The following DYDC1 variants were observed in gnomAD, a reference collection of about 807,000 sequenced individuals.
The protein encoded by DYDC1 is DPY30 domain-containing protein 1.
A neutral mutation model predicts 27.9 loss-of-function variants in DYDC1; 21 were observed. The ratio of observed to expected loss-of-function variants is 0.75; its 90% confidence interval spans 0.53 to 1.08. DYDC1 has a LOEUF of 1.08. Ranked by LOEUF, DYDC1 falls within the 50% of genes least tolerant of loss-of-function variation. The probability of loss-of-function intolerance (pLI) is 0.00; values close to 1 mark genes in which losing one functional copy is unlikely to be tolerated. For missense variants in DYDC1, 202 were observed against 205.9 expected (o/e 0.98, Z 0.12); for synonymous variants, 67 against 65.8 (o/e 1.02, Z -0.09).
At chr10:80,336,464 C>T (rs1407760769) in intron 6 of DYDC1, 6 of 554,920 alleles carry the variant, frequency 1.1e-5, no homozygotes, top group African/African-American at 4.1e-5. Flanking sequence ...GTTAGAATTG[C>T]TAATGGTTCC....
chr10:80,339,011 T>C, intron 5 of DYDC1, 86 bp downstream of exon 5: 1 of 682,916 alleles, frequency 1.5e-6, no homozygotes, highest in South Asian at 2.3e-5. Context: ...TGCTAAAAAT[T>C]TAGCTACTTA....
chr10:80,346,123 C>T (rs1842608767), intron 3 of DYDC1, among the ~76,000 whole-genome samples: 1 of 152,172 alleles, frequency 6.6e-6, no homozygotes, highest in African/African-American at 2.4e-5. Flanking sequence ...ACTGGGATTA[C>T]AGGTGTGAGC....
chr10:80,346,444 C>CTT (rs1032729095), intron 3 of DYDC1, among the ~76,000 whole-genome samples: 1,598 of 83,226 alleles, frequency 0.019, 242 homozygotes, highest in South Asian at 0.07. Context: ...TCTTCCCTTT[C>CTT]TTTTTTTTTT....
intron 3 of DYDC1, among the ~76,000 whole-genome samples, chr10:80,346,252 T>C (rs1183280955): frequency 6.6e-6 from 1 of 152,186 alleles, no homozygotes; most frequent in African/African-American, 2.4e-5. Flanking sequence ...AAGTAGTCTC[T>C]ATAAGGTGCT....
At chr10:80,356,445 C>G in intron 1 of DYDC1, 2 of 985,326 alleles carry the variant, frequency 2.0e-6, no homozygotes, top group Non-Finnish European at 2.4e-6. Flanking sequence ...CTGGCAACCT[C>G]CCGGGGCGCT....
intron 4 of DYDC1, among the ~76,000 whole-genome samples, chr10:80,340,612 C>T (rs1377255756): frequency 2.0e-5 from 3 of 152,144 alleles, no homozygotes; most frequent in Non-Finnish European, 4.4e-5. Context: ...CTTTAAATTC[C>T]TTTATTTTGA....
intron 5 of DYDC1, 52 bp from the exon 6 acceptor site, chr10:80,338,623 T>C: frequency 1.4e-6 from 2 of 1,443,560 alleles, no homozygotes; most frequent in South Asian, 3.1e-5. Flanking sequence ...AATTAATACA[T>C]TACTTTTCTT....
rs1251707554 is a variant in DYDC1, at chr10:80,352,133, T to A, written c.148-131A>T. On this transcript the variant is annotated intron_variant, in intron 2 of 6. Transcript: ENST00000372202. ...AAATTATAGCCCATCCCTGTGGAAA[T>A]GATATAATAATTTGGGAAGATATTT... 6.1e-6 allele frequency: 5 copies of A among 825,336 alleles called. No homozygotes were observed. The South Asian group carries it at 8.7e-5, about 14-fold the overall frequency. The allele number at this position is 825,336 out of a possible 1,614,324, so 51.1% of individuals were successfully genotyped here.
intron 3 of DYDC1, among the ~76,000 whole-genome samples, chr10:80,343,974 C>G: frequency 6.6e-6 from 1 of 151,956 alleles, no homozygotes; most frequent in East Asian, 1.9e-4. Flanking sequence ...AAAAAAATTA[C>G]GCGTGGTAGC....
At chr10:80,337,984 A>G in intron 6 of DYDC1, 1 of 706,624 alleles carries the variant, frequency 1.4e-6, no homozygotes, top group Non-Finnish European at 1.7e-6. Flanking sequence ...TCCCCTGACA[A>G]TAAACTCCAT....
chr10:80,353,251 T>A (rs1040522922), intron 1 of DYDC1, among the ~76,000 whole-genome samples: 21 of 151,986 alleles, frequency 1.4e-4, no homozygotes, highest in African/African-American at 4.1e-4. Flanking sequence ...AATTTTCTTT[T>A]CAAGTTCACC....
Position 80,336,467 on chromosome 10 carries a change from A to G in DYDC1, c.505-282T>C, listed in dbSNP as rs960886296. 13 of 548,802 alleles carry G rather than the reference A, an allele frequency of 2.4e-5. 1 individual carries two copies. The South Asian group carries it at 9.6e-4, about 40-fold the overall frequency. 34.0% of individuals were successfully genotyped at this position (548,802 alleles called of 1,614,324 possible). A position where few individuals can be genotyped will look rare whatever the true frequency, so the allele number is the denominator to read the frequency against. On this transcript the variant is annotated intron_variant, in intron 6 of 6. Coordinates refer to ENST00000372202, the MANE Select transcript of DYDC1 (RefSeq NM_001269053.2). ...CATCCCTTCAATGTTAGAATTGCTA[A>G]TGGTTCCTCCCTGAGCCCCCAGGCC... is the stretch of plus-strand genomic sequence containing the variant.
At chr10:80,355,965 CA>C (rs1008678127) in intron 1 of DYDC1, among the ~76,000 whole-genome samples, 19 of 140,902 alleles carry the variant, frequency 1.3e-4, no homozygotes, top group African/African-American at 4.0e-4. Context: ...ACAGACATCT[CA>C]AAGTCATTTG....
At chr10:80,349,113 G>A (rs941370049) in intron 3 of DYDC1, among the ~76,000 whole-genome samples, 2 of 152,056 alleles carry the variant, frequency 1.3e-5, no homozygotes. Context: ...GGATGGTCTC[G>A]ATCTCCTGAC....
chr10:80,351,928 G>A lies in DYDC1; in HGVS notation c.222C>T (p.Leu74=). The A allele has an allele frequency of 6.2e-7, 1 of 1,614,088 alleles. No homozygotes were observed. The highest frequency in any genetic ancestry group is 2.2e-5 in the East Asian group (1 of 44,878). ...ALMEQEMMER[L]KAEELLLQQQ... ...GCTGAAGTAAGAGCTCCTCTGCTTTGAGCCTCTCCATCATTTCCTGCTCCA... is the reference window on the plus strand; with the variant it reads ...GCTGAAGTAAGAGCTCCTCTGCTTTAAGCCTCTCCATCATTTCCTGCTCCA... Residue 74 remains leucine, a synonymous_variant, in exon 3 of 7, where the codon CTC becomes CTT. Transcript: ENST00000372202.
chr10:80,339,547 C>T (rs1007828744), intron 4 of DYDC1, among the ~76,000 whole-genome samples: 10 of 152,056 alleles, frequency 6.6e-5, no homozygotes, highest in Non-Finnish European at 1.0e-4. Flanking sequence ...AAGAAGTAAA[C>T]ACTTCTACAG....
At chr10:80,356,457 AGT>A (rs1390950857) in intron 1 of DYDC1, 27 of 985,182 alleles carry the variant, frequency 2.7e-5, no homozygotes, top group Non-Finnish European at 3.3e-5. Context: ...CGGGGCGCTC[AGT>A]GTGGTTTTCC....
At position 80,338,495 on chromosome 10, in the gene DYDC1, T is replaced by C. The variant is rs768624949; in HGVS notation, c.476A>G (p.Glu159Gly). ...AGAAAACATTGGTTCATCAAGTTCT[T>C]CCACTCTGCTCAAGTTAGGTGCTCC... ...RYGAPNLSRV[E>G]ELDEPMFSDI... The change falls in exon 6 of 7, where the codon GAA becomes GGA. Residue 159 changes from glutamate (E) to glycine (G), a missense_variant. Coordinates refer to ENST00000372202, the MANE Select transcript of DYDC1 (RefSeq NM_001269053.2). The C allele has an allele frequency of 2.5e-6, 4 of 1,613,246 alleles. No homozygotes were observed. The African/African-American group carries it at 4.0e-5, about 16-fold the overall frequency.
Position 80,352,623 on chromosome 10 carries a change from T to A in DYDC1, c.-9-13A>T. 6.3e-7 allele frequency: 1 copy of A among 1,592,566 alleles called. No homozygotes were observed. The highest frequency in any genetic ancestry group is 8.5e-7 in the Non-Finnish European group (1 of 1,173,450). Reference sequence around the variant, plus strand: ...CCATTTCTAACTCCTAAAAAGTAAGTGTTTTTGCATTACTGCAGGATATTT... The same window carrying A: ...CCATTTCTAACTCCTAAAAAGTAAGAGTTTTTGCATTACTGCAGGATATTT... On this transcript the variant is annotated splice_polypyrimidine_tract_variant and intron_variant, in intron 1 of 6. Coordinates refer to ENST00000372202, the MANE Select transcript of DYDC1 (RefSeq NM_001269053.2).
Sources: gnomAD v4.1 joint callset for allele counts (sites outside exome capture counted in the v4.1 genomes callset) on GRCh38, gnomAD v4.1.1 for gene constraint, MANE v1.5 for transcripts, NCBI Gene and HGNC (gene_info 2026-07-23, HGNC 2026-07-21) for gene names.